Variants in RGS21 observed in about 807,000 individuals in gnomAD.
The protein encoded by RGS21 is regulator of G-protein signalling 21.
Under a neutral mutation model 18.7 loss-of-function variants are expected in RGS21, and 19 were observed. The ratio of observed to expected loss-of-function variants is 1.01; its 90% CI spans 0.71 to 1.49. The LOEUF is 1.49. Among genes scored for constraint, RGS21 ranks in the 40% most tolerant of loss-of-function variants. The pLI is 0.00. For missense variants in RGS21, 194 were observed against 176.8 expected (o/e 1.10, Z -0.55); for synonymous variants, 56 against 57.8 (o/e 0.97, Z 0.14).
chr1:192,366,187 G>C lies in RGS21; in HGVS notation c.*63G>C, dbSNP rs981656415. On this transcript the variant is annotated 3_prime_UTR_variant, in exon 5 of 5. Coordinates refer to ENST00000417209, the MANE Select transcript of RGS21 (RefSeq NM_001039152.3). Reference sequence around the variant, plus strand: ...TACAATATTTTAAATATACAAGCATGATGCATTGTCTTTTGTTTTGTTTTT... The same window carrying C: ...TACAATATTTTAAATATACAAGCATCATGCATTGTCTTTTGTTTTGTTTTT... The C allele has an allele frequency of 1.0e-4, 96 of 950,172 alleles. No individual in the cohort carries two copies. Among genetic ancestry groups the C allele is most frequent in the Non-Finnish European group, 1.5e-4 (91 of 608,878 alleles). 58.9% of individuals were successfully genotyped at this position (950,172 alleles called of 1,614,324 possible). A position where few individuals can be genotyped will look rare whatever the true frequency, so the allele number is the denominator to read the frequency against.
intron 3 of RGS21, among the ~76,000 whole-genome samples, chr1:192,348,794 C>T (rs942333055): frequency 2.0e-5 from 3 of 151,852 alleles, no homozygotes; most frequent in Admixed American, 1.3e-4. Flanking sequence ...AATCAAATGG[C>T]ATTTTATTTT....
At chr1:192,318,094 T>A (rs1319682592) in intron 1 of RGS21, among the ~76,000 whole-genome samples, 2 of 152,040 alleles carry the variant, frequency 1.3e-5, no homozygotes, top group African/African-American at 4.8e-5. Context: ...TATTAGTAAA[T>A]ATTAATATAT....
At chr1:192,347,923 G>A (rs1393759041) in intron 3 of RGS21, among the ~76,000 whole-genome samples, 1 of 152,008 alleles carries the variant, frequency 6.6e-6, no homozygotes, top group Non-Finnish European at 1.5e-5. Flanking sequence ...GCATCCCAAA[G>A]TGCTGGGATT....
intron 1 of RGS21, among the ~76,000 whole-genome samples, chr1:192,320,188 T>C (rs1658476079): frequency 1.3e-5 from 2 of 152,012 alleles, no homozygotes; most frequent in African/African-American, 2.4e-5. Context: ...TAATGGGTAC[T>C]AGGCTTAATA....
intron 1 of RGS21, among the ~76,000 whole-genome samples, chr1:192,340,483 C>A (rs565283310): frequency 6.6e-6 from 1 of 151,974 alleles, no homozygotes; most frequent in Non-Finnish European, 1.5e-5. Flanking sequence ...AAAATTTATG[C>A]CTATTTTATT....
intron 1 of RGS21, among the ~76,000 whole-genome samples, chr1:192,341,198 C>T (rs763430954): frequency 1.3e-5 from 2 of 152,070 alleles, no homozygotes; most frequent in East Asian, 1.9e-4. Flanking sequence ...CGTTAACCCT[C>T]CTTTCTCCCC....
chr1:192,361,007 A>G (rs1659180579), intron 4 of RGS21, among the ~76,000 whole-genome samples: 1 of 152,066 alleles, frequency 6.6e-6, no homozygotes, highest in Admixed American at 6.6e-5. Context: ...AAATAAATAA[A>G]TTGAAAAAAT....
At chr1:192,349,619 T>C (rs1659007251) in intron 3 of RGS21, among the ~76,000 whole-genome samples, 1 of 152,194 alleles carries the variant, frequency 6.6e-6, no homozygotes, top group South Asian at 2.1e-4. Flanking sequence ...CTTTTGAACA[T>C]TCAAATTGTA....
intron 3 of RGS21, among the ~76,000 whole-genome samples, chr1:192,348,021 TA>T (rs901841900): frequency 6.6e-6 from 1 of 150,534 alleles, no homozygotes; most frequent in African/African-American, 2.5e-5. Context: ...TATATATATG[TA>T]TTTTTTTTTT....
intron 1 of RGS21, among the ~76,000 whole-genome samples, chr1:192,327,111 G>A (rs554102511): frequency 9.2e-5 from 14 of 152,080 alleles, no homozygotes; most frequent in South Asian, 2.1e-4. Context: ...AATGTGCATC[G>A]AATAATAGAG....
chr1:192,328,031 T>C (rs1248373995), intron 1 of RGS21, among the ~76,000 whole-genome samples: 1 of 152,206 alleles, frequency 6.6e-6, no homozygotes, highest in African/African-American at 2.4e-5. Context: ...GTCTTTACTT[T>C]GAGGAGTAAA....
chr1:192,319,286 T>A (rs930931862), intron 1 of RGS21, among the ~76,000 whole-genome samples: 1 of 152,060 alleles, frequency 6.6e-6, no homozygotes, highest in Non-Finnish European at 1.5e-5. Flanking sequence ...GCTTTTAACA[T>A]GAGAATCCCT....
intron 1 of RGS21, among the ~76,000 whole-genome samples, chr1:192,318,940 G>A (rs1035808411): frequency 6.6e-6 from 1 of 152,094 alleles, no homozygotes; most frequent in African/African-American, 2.4e-5. Flanking sequence ...TCCATTTTAA[G>A]AGTTCAAGAG....
chr1:192,356,322 G>T (rs1481418659), intron 4 of RGS21, among the ~76,000 whole-genome samples: 2 of 151,744 alleles, frequency 1.3e-5, no homozygotes, highest in Admixed American at 6.6e-5. Context: ...CTCAGTTTAG[G>T]CAGGAAAACA....
intron 4 of RGS21, among the ~76,000 whole-genome samples, chr1:192,355,685 A>T (rs918707425): frequency 1.3e-5 from 2 of 151,514 alleles, no homozygotes; most frequent in Non-Finnish European, 3.0e-5. Flanking sequence ...ACTTGTACTT[A>T]TTTTTGCTTC....
intron 1 of RGS21, among the ~76,000 whole-genome samples, chr1:192,340,503 C>T (rs1409542704): frequency 6.6e-6 from 1 of 152,094 alleles, no homozygotes; most frequent in Non-Finnish European, 1.5e-5. Flanking sequence ...TACTTACCTT[C>T]CTTCTCTTAA....
At chr1:192,328,699 C>T (rs1430744094) in intron 1 of RGS21, among the ~76,000 whole-genome samples, 1 of 152,056 alleles carries the variant, frequency 6.6e-6, no homozygotes, top group Non-Finnish European at 1.5e-5. Flanking sequence ...ATCTAGCAAT[C>T]TCATTTCTAA....
intron 3 of RGS21, among the ~76,000 whole-genome samples, chr1:192,349,312 G>A (rs567060628): frequency 5.3e-5 from 8 of 152,170 alleles, no homozygotes; most frequent in Admixed American, 3.3e-4. Flanking sequence ...ATATACATCC[G>A]AACAGTTGTT....
At position 192,352,190 on chromosome 1, in the gene RGS21, A is replaced by T; in HGVS notation, c.232A>T (p.Ile78Phe). Residue 78 changes from isoleucine (I) to phenylalanine (F), a missense_variant, in exon 4 of 5, where the codon ATT becomes TTT. Physicochemically the swap from Ile to Phe is conservative, Grantham distance 21 (BLOSUM62 0). Coordinates refer to ENST00000417209, the MANE Select transcript of RGS21 (RefSeq NM_001039152.3). ...AGCCAAGATGATTTATTCTGAATTC[A>T]TTGAAGCTGATGCACCTAAAGAGGT... Reference protein sequence around the residue: ...SKAKMIYSEFIEADAPKEINI... With the variant: ...SKAKMIYSEFFEADAPKEINI... The T allele has an allele frequency of 6.2e-7, 1 of 1,608,328 alleles. No homozygotes were observed. The highest frequency in any genetic ancestry group is 8.5e-7 in the Non-Finnish European group (1 of 1,177,490).
Sources: allele counts gnomAD v4.1 joint callset (sites outside exome capture counted in the v4.1 genomes callset), GRCh38; gene constraint gnomAD v4.1.1; transcripts MANE v1.5; gene names NCBI Gene and HGNC (gene_info 2026-07-23, HGNC 2026-07-21).